PCDHGB7: variants seen among roughly 807,000 people sequenced by gnomAD.
PCDHGB7 encodes the protein protocadherin gamma-B7.
PCDHGB7 carries 37 observed loss-of-function variants against 61.4 expected under a neutral mutation model. The ratio of observed to expected loss-of-function variants is 0.60; its 90% confidence interval spans 0.46 to 0.79. PCDHGB7 has a LOEUF of 0.79. Among genes scored for constraint, PCDHGB7 ranks in the 30% least tolerant of loss-of-function variants. PCDHGB7 has a pLI of 0.00. For synonymous variants in PCDHGB7, 464 were observed against 503.5 expected (o/e 0.92, Z 1.05); for missense variants, 1,166 against 1,202.5 (o/e 0.97, Z 0.45).
In PCDHGB7 at chr5:141,477,053, G is replaced by A; in HGVS notation, c.2416-17754G>A. On this transcript the variant is annotated intron_variant, in intron 1 of 3. Transcript: ENST00000398594. This position sits in a 1 kb window ranked among gnomAD's most constrained non-coding sequence, Gnocchi z 4.9. ...GACAATCAAGGGTCGGCTGGACTTC[G>A]AGGACACCAAACTCCATGAGATTTA... The A allele has an allele frequency of 1.9e-6, 3 of 1,614,230 alleles. No homozygotes were observed. The highest frequency in any genetic ancestry group is 2.5e-6 in the Non-Finnish European group (3 of 1,180,032).
At chr5:141,421,000 A>G (rs2096537102) in intron 1 of PCDHGB7, 1 of 507,878 alleles carries the variant, frequency 2.0e-6, no homozygotes, top group East Asian at 3.3e-5. Flanking sequence ...CTGCTCACCA[A>G]TCAGGGAATG....
In PCDHGB7 at chr5:141,419,962, G is replaced by A; in HGVS notation, c.2103G>A (p.Val701=). The A allele has an allele frequency of 6.2e-7, 1 of 1,614,092 alleles. No individual in the cohort carries two copies. The highest frequency in any genetic ancestry group is 1.3e-5 in the African/African-American group (1 of 75,070). The change falls in exon 1 of 4, where the codon GTG becomes GTA. Residue 701 remains valine, a synonymous_variant. Coordinates refer to ENST00000398594, the MANE Select transcript of PCDHGB7 (RefSeq NM_018927.4). ...YLVVALALIS[V]LFLLAVILAI... ...TGGTGGCCTTGGCCTTGATTTCTGT[G>A]CTCTTTCTCCTCGCGGTGATTCTAG...
intron 3 of PCDHGB7, among the ~76,000 whole-genome samples, chr5:141,508,930 T>A (rs2099873149): frequency 6.6e-6 from 1 of 151,836 alleles, no homozygotes; most frequent in African/African-American, 2.4e-5. Context: ...CTTTTGGAGT[T>A]AATTAGGGAA....
intron 1 of PCDHGB7, chr5:141,484,976 G>T: frequency 1.7e-6 from 1 of 592,920 alleles, no homozygotes; most frequent in South Asian, 2.1e-5. Flanking sequence ...GCCGCTGTCT[G>T]CCAATCGGGT....
chr5:141,491,450 C>G lies in PCDHGB7; in HGVS notation c.2416-3357C>G. ...CAGTGCTGCAGGCGCCAGGACTCAC[C>G]CTCCCCGGACTTCTATAAGCAGTCC... On this transcript the variant is annotated intron_variant, in intron 1 of 3. Transcript: ENST00000398594. The surrounding 1 kb of genome is among the most constrained non-coding windows in gnomAD (Gnocchi z 6.9). The G allele has an allele frequency of 1.2e-6, 2 of 1,614,110 alleles. No homozygotes were observed. Among genetic ancestry groups the G allele is most frequent in the Non-Finnish European group, 1.7e-6 (2 of 1,180,044 alleles).
Position 141,478,516 on chromosome 5 carries a change from G to A in PCDHGB7, c.2416-16291G>A, listed in dbSNP as rs769702987. The A allele has an allele frequency of 4.3e-6, 7 of 1,610,992 alleles. No homozygotes were observed. In the African/African-American group the frequency reaches 8.0e-5, roughly 18 times the overall value. ...GTGATCCGGTGTTCTATAGGCAGGT[G>A]TTGGGTGCAGAGAGCGCCCCTCCCG... On this transcript the variant is annotated intron_variant, in intron 1 of 3. Transcript: ENST00000398594.
intron 1 of PCDHGB7, among the ~76,000 whole-genome samples, chr5:141,454,796 A>AT (rs61612330): frequency 0.026 from 2,045 of 77,400 alleles, 387 homozygotes; most frequent in East Asian, 0.04. Flanking sequence ...CATGGTTCTA[A>AT]TTTTTTTTTT....
rs367731612 is a variant in PCDHGB7 at position 141,419,406 on chromosome 5, C to A, written c.1547C>A (p.Ala516Glu). ...AGCGCGCAGAGCGGGGTGGTGTTCG[C>A]GCAGCGCGCCTTCGACCACGAGCAG... Reference protein sequence around the residue: ...SVSAQSGVVFAQRAFDHEQLR... With the variant: ...SVSAQSGVVFEQRAFDHEQLR... The change falls in exon 1 of 4, where the codon GCG becomes GAG. Residue 516 changes from alanine to glutamate, a missense_variant. By Grantham distance (107) the Ala-to-Glu change is moderately radical. Coordinates refer to ENST00000398594, the MANE Select transcript of PCDHGB7 (RefSeq NM_018927.4). 3 of 1,613,404 alleles carry A rather than the reference C, an allele frequency of 1.9e-6. No individual in the cohort carries two copies. The highest frequency in any genetic ancestry group is 2.5e-6 in the Non-Finnish European group (3 of 1,179,908).
chr5:141,487,596 A>T lies in PCDHGB7; in HGVS notation c.2416-7211A>T. The stretch of plus-strand genomic sequence containing the variant: ...GTTCGCCCAAGCTGCCCACCCTCTG[A>T]TCTTCTCTATGGGCTAGAGGTGAGA... On this transcript the variant is annotated intron_variant, in intron 1 of 3. Transcript: ENST00000398594. The surrounding 1 kb of genome is among the most constrained non-coding windows in gnomAD (Gnocchi z 5.0). The T allele has an allele frequency of 1.2e-6, 2 of 1,614,108 alleles. No individual in the cohort carries two copies. Among genetic ancestry groups the T allele is most frequent in the Non-Finnish European group, 8.5e-7 (1 of 1,180,024 alleles).
chr5:141,492,303 G>A (rs969991314), intron 1 of PCDHGB7, among the ~76,000 whole-genome samples: 1 of 152,202 alleles, frequency 6.6e-6, no homozygotes, highest in African/African-American at 2.4e-5. Context: ...GCGGACGCAC[G>A]CACGCACTCC....
Position 141,485,465 on chromosome 5 carries a change from C to A in PCDHGB7, c.2416-9342C>A, listed in dbSNP as rs2099614061. 6.2e-7 allele frequency: 1 copy of A among 1,614,044 alleles called. No homozygotes were observed. Among genetic ancestry groups the A allele is most frequent in the African/African-American group, 1.3e-5 (1 of 74,918 alleles). ...AATCGACCGAGAGGCACTGTGTGGG[C>A]TCAGTGCCAGCTGCATCGTGCCCCT... On this transcript the variant is annotated intron_variant, in intron 1 of 3. Transcript: ENST00000398594. This position sits in a 1 kb window ranked among gnomAD's most constrained non-coding sequence, Gnocchi z 5.7.
At chr5:141,451,154 TTTTTGGTAGTATA>T (rs2098709149) in intron 1 of PCDHGB7, among the ~76,000 whole-genome samples, 1 of 152,152 alleles carries the variant, frequency 6.6e-6, no homozygotes, top group Non-Finnish European at 1.5e-5. Flanking sequence ...ACTAGACATT[TTTTTGGTAGTATA>T]TTATTTAGCC....
Position 141,505,388 on chromosome 5 carries a change from C to T in PCDHGB7, c.2475-5C>T, listed in dbSNP as rs756505223. ...TCTGTGCTCACCATCCTACTCTCTCCCCAGCTCCCAAAATGGCGATGACAC... is the reference window on the plus strand; with the variant it reads ...TCTGTGCTCACCATCCTACTCTCTCTCCAGCTCCCAAAATGGCGATGACAC... On this transcript the variant is annotated splice_polypyrimidine_tract_variant and splice_region_variant and intron_variant, in intron 2 of 3. Transcript: ENST00000398594. The T allele has an allele frequency of 6.2e-7, 1 of 1,613,972 alleles. No homozygotes were observed. The highest frequency in any genetic ancestry group is 2.2e-5 in the East Asian group (1 of 44,886).
In PCDHGB7 at chr5:141,502,614, T is replaced by C. The variant is rs534996288; in HGVS notation, c.2475-2779T>C. Among the ~76,000 whole-genome samples the C allele has an allele frequency of 7.2e-5, 11 of 152,316 alleles. No homozygotes were observed. In the East Asian group the frequency reaches 1.7e-3, roughly 24 times the overall value. ...AGATATTTTAAAATATTTGTGAAAATATAAGTAATCTGTGGATGATACTTT... is the reference window on the plus strand; with the variant it reads ...AGATATTTTAAAATATTTGTGAAAACATAAGTAATCTGTGGATGATACTTT... On this transcript the variant is annotated intron_variant, in intron 2 of 3. Transcript: ENST00000398594.
intron 3 of PCDHGB7, among the ~76,000 whole-genome samples, chr5:141,509,776 C>T (rs898626809): frequency 7.2e-5 from 11 of 152,140 alleles, no homozygotes; most frequent in African/African-American, 9.7e-5. Context: ...GTCTAGTCCC[C>T]GAGATCATCA....
rs914956962 is a variant in PCDHGB7, at chr5:141,420,736, A to G, written c.2415+462A>G. Among the ~76,000 whole-genome samples, 4 of 152,370 alleles carry G rather than the reference A, an allele frequency of 2.6e-5. No individual in the cohort carries two copies. In the East Asian group the frequency reaches 7.7e-4, roughly 29 times the overall value. On this transcript the variant is annotated intron_variant, in intron 1 of 3. Coordinates refer to ENST00000398594, the MANE Select transcript of PCDHGB7 (RefSeq NM_018927.4). ...TCGTTCCTTTCAGTCGGTTAAAATC[A>G]ATTGGAACCAACTACAACCTACAAG...
chr5:141,510,426 T>C (rs983368750), intron 3 of PCDHGB7, among the ~76,000 whole-genome samples: 1 of 152,084 alleles, frequency 6.6e-6, no homozygotes, highest in African/African-American at 2.4e-5. Flanking sequence ...CATGGTTTCA[T>C]GGCTGCTGCC....
chr5:141,492,579 G>T (rs547852117), intron 1 of PCDHGB7, among the ~76,000 whole-genome samples: 2 of 152,356 alleles, frequency 1.3e-5, no homozygotes, highest in East Asian at 1.9e-4. Context: ...GAGGCGCGGG[G>T]CCAGGAGCGC....
At chr5:141,438,739 G>A (rs1264194876) in intron 1 of PCDHGB7, among the ~76,000 whole-genome samples, 1 of 149,040 alleles carries the variant, frequency 6.7e-6, no homozygotes, top group African/African-American at 2.5e-5. Context: ...TCAGCTCACT[G>A]CAACCTCTGC....
Sources: allele counts gnomAD v4.1 joint callset (sites outside exome capture counted in the v4.1 genomes callset), GRCh38; gene constraint gnomAD v4.1.1; non-coding constraint Gnocchi (gnomAD v3.1); transcripts MANE v1.5; gene names NCBI Gene and HGNC (gene_info 2026-07-23, HGNC 2026-07-21).